ITK: variants seen among roughly 807,000 people sequenced by gnomAD.
ITK encodes the protein IL2 inducible T cell kinase, also known as tyrosine-protein kinase ITK/TSK.
A neutral mutation model predicts 87.6 loss-of-function variants in ITK; 45 were observed. The observed-to-expected ratio is 0.51, with a 90% CI of 0.40 to 0.66. The LOEUF is 0.66. Among genes scored for constraint, ITK ranks in the 30% least tolerant of loss-of-function variants. The pLI, the probability that ITK is intolerant of heterozygous loss-of-function variation, is 0.00. For missense variants in ITK, 605 were observed against 766.3 expected (o/e 0.79, Z 2.48); for synonymous variants, 303 against 273.6 (o/e 1.11, Z -1.06).
At chr5:157,240,323 C>T (rs1365140320) in intron 10 of ITK, 128 bp downstream of exon 10, 14 of 884,620 alleles carry the variant, frequency 1.6e-5, no homozygotes, top group Non-Finnish European at 1.7e-5. Flanking sequence ...GAGTGCAAGC[C>T]CTATTGTGAA....
intron 1 of ITK, among the ~76,000 whole-genome samples, chr5:157,204,540 A>G (rs2421471): frequency 0.43 from 64,599 of 151,930 alleles, 14,321 homozygotes; most frequent in East Asian, 0.75. Context: ...TTTACTAAAA[A>G]TACAAAAAAT....
intron 7 of ITK, among the ~76,000 whole-genome samples, chr5:157,230,158 G>A (rs975334515): frequency 1.3e-5 from 2 of 152,294 alleles, no homozygotes; most frequent in South Asian, 2.1e-4. Context: ...AATAGACACA[G>A]AAGTACTTAG....
rs776456899 is a variant in ITK, at chr5:157,232,445, ACT to A, written c.768+52_768+53del. ...ACATAAAATAAAATGAATTAAGTGC[ACT>A]GTCTCATGTCTGGAATCCCAGCGAT... On this transcript the variant is annotated intron_variant, in intron 8 of 16. Coordinates refer to ENST00000422843, the MANE Select transcript of ITK (RefSeq NM_005546.4). The A allele has an allele frequency of 4.6e-6, 6 of 1,314,890 alleles. No individual in the cohort carries two copies. In the Admixed American group the frequency reaches 1.1e-4, roughly 24 times the overall value. 81.5% of individuals were successfully genotyped at this position (1,314,890 alleles called of 1,614,324 possible).
At position 157,249,752 on chromosome 5, in the gene ITK, T is replaced by G. The variant is rs570005123; in HGVS notation, c.1791+745T>G. On this transcript the variant is annotated intron_variant, in intron 16 of 16. Coordinates refer to ENST00000422843, the MANE Select transcript of ITK (RefSeq NM_005546.4). The stretch of plus-strand genomic sequence containing the variant: ...TCCTTTTTCTTACTGTTAAGAGAAT[T>G]AAATAATGCTTGGTCTGTGAGTTCA... Among the ~76,000 whole-genome samples the G allele has an allele frequency of 4.6e-5, 7 of 152,322 alleles. No individual in the cohort carries two copies. The East Asian group carries it at 1.2e-3, about 25-fold the overall frequency.
At chr5:157,229,257 T>G (rs1196279747) in intron 7 of ITK, among the ~76,000 whole-genome samples, 1 of 152,210 alleles carries the variant, frequency 6.6e-6, no homozygotes, top group Non-Finnish European at 1.5e-5. Context: ...AAGTTAAAGT[T>G]TGATGAGCTG....
chr5:157,187,419 A>G (rs956565515), intron 1 of ITK, among the ~76,000 whole-genome samples: 4 of 152,270 alleles, frequency 2.6e-5, no homozygotes, highest in African/African-American at 7.2e-5. Context: ...GAGTAAGGAC[A>G]TAAGGTATAG....
At chr5:157,208,581 G>C (rs187749845) in intron 1 of ITK, among the ~76,000 whole-genome samples, 1 of 152,104 alleles carries the variant, frequency 6.6e-6, no homozygotes, top group Non-Finnish European at 1.5e-5. Flanking sequence ...ATTTCTCTAC[G>C]CATCTCAGCT....
chr5:157,246,563 G>A (rs1018903967), intron 15 of ITK, among the ~76,000 whole-genome samples: 1 of 151,964 alleles, frequency 6.6e-6, no homozygotes, highest in East Asian at 1.9e-4. Context: ...ACAAGCTAAG[G>A]GATAGAAGAT....
intron 3 of ITK, among the ~76,000 whole-genome samples, chr5:157,211,876 C>T (rs1283011265): frequency 6.6e-6 from 1 of 152,214 alleles, no homozygotes; most frequent in Non-Finnish European, 1.5e-5. Flanking sequence ...GAAGGGATAA[C>T]AGCACCTGCC....
intron 6 of ITK, chr5:157,224,274 ACT>A (rs1237546805): frequency 6.8e-6 from 1 of 147,844 alleles, no homozygotes; most frequent in Non-Finnish European, 1.5e-5. Flanking sequence ...ACAGAGCAAG[ACT>A]CTGTCTCAAA....
intron 8 of ITK, among the ~76,000 whole-genome samples, chr5:157,233,963 ATTTTTTTTTTTTTTTTTTTT>A (rs869230073): frequency 4.5e-5 from 1 of 22,300 alleles, no homozygotes; most frequent in Non-Finnish European, 8.0e-5. Context: ...ATATATATAT[ATTTTTTTTTTTTTTTTTTTT>A]TTTTTTTTTT....
At chr5:157,192,699 G>C (rs1031551209) in intron 1 of ITK, among the ~76,000 whole-genome samples, 3 of 152,222 alleles carry the variant, frequency 2.0e-5, no homozygotes, top group Non-Finnish European at 4.4e-5. Flanking sequence ...GAAGTTCTCT[G>C]CTTGAAGCAG....
intron 5 of ITK, among the ~76,000 whole-genome samples, chr5:157,221,772 A>T (rs948032673): frequency 2.0e-5 from 3 of 152,132 alleles, no homozygotes; most frequent in African/African-American, 7.2e-5. Flanking sequence ...ATAAGCTCTT[A>T]GAGCAAAAGC....
At chr5:157,186,250 A>G (rs1753638959) in intron 1 of ITK, among the ~76,000 whole-genome samples, 1 of 152,022 alleles carries the variant, frequency 6.6e-6, no homozygotes, top group East Asian at 1.9e-4. Context: ...GAAAATTGGT[A>G]CCCCCTGCCA....
chr5:157,223,060 C>A, intron 6 of ITK, 46 bp downstream of exon 6: 1 of 1,608,594 alleles, frequency 6.2e-7, no homozygotes, highest in Non-Finnish European at 8.5e-7. Context: ...AGGTGTGGTG[C>A]GAACAAATAA....
chr5:157,231,721 C>G (rs1338887780), intron 7 of ITK, among the ~76,000 whole-genome samples: 1 of 152,104 alleles, frequency 6.6e-6, no homozygotes, highest in Non-Finnish European at 1.5e-5. Context: ...AAAACTTCAT[C>G]CCTAAAAATC....
intron 9 of ITK, among the ~76,000 whole-genome samples, 194 bp downstream of exon 9, chr5:157,238,385 G>A (rs1007655017): frequency 3.3e-5 from 5 of 152,340 alleles, no homozygotes; most frequent in African/African-American, 1.2e-4. Flanking sequence ...GAAAGTGACA[G>A]AGCTGGGAGT....
chr5:157,211,354 T>C lies in ITK; in HGVS notation c.311T>C (p.Leu104Pro). 1 of 1,613,792 alleles carries C rather than the reference T, an allele frequency of 6.2e-7. No homozygotes were observed. The highest frequency in any genetic ancestry group is 2.2e-5 in the East Asian group (1 of 44,884). The change falls in exon 3 of 17, where the codon CTG (leucine) becomes CCG (proline). Residue 104 changes from leucine (L) to proline (P), a missense_variant. Leu to Pro is a moderately conservative substitution (Grantham distance 98). Around this residue, in one of 3 missense-constraint regions of ITK, gnomAD observed 464 missense variants for 578.0 expected, o/e 0.80. Transcript: ENST00000422843. ...PDRESRQRWVLALKEETRNNN... is the reference protein window; with the variant it reads ...PDRESRQRWVPALKEETRNNN... ...CGTGAGAGCCGGCAGCGCTGGGTGC[T>C]GGCCCTTAAAGAAGGTAATTAAACT... is the stretch of plus-strand genomic sequence containing the variant.
intron 1 of ITK, among the ~76,000 whole-genome samples, chr5:157,198,720 T>A (rs895268111): frequency 2.0e-5 from 3 of 152,212 alleles, no homozygotes; most frequent in Admixed American, 2.0e-4. Context: ...TTTTACAAGA[T>A]GCTAATTTTT....
Sources: allele counts gnomAD v4.1 joint callset (sites outside exome capture counted in the v4.1 genomes callset), GRCh38; gene constraint gnomAD v4.1.1; regional missense constraint gnomAD v4.1.1; transcripts MANE v1.5; gene names NCBI Gene and HGNC (gene_info 2026-07-23, HGNC 2026-07-21).